CTNND1: variants seen among roughly 807,000 people sequenced by gnomAD.
CTNND1 encodes catenin delta-1.
In CTNND1, 16 loss-of-function variants were observed where a neutral mutation model predicts 112.1. The ratio of observed to expected loss-of-function variants is 0.14; its 90% CI spans 0.10 to 0.22. The LOEUF is 0.22. Ranked by LOEUF, CTNND1 falls within the 10% of genes least tolerant of loss-of-function variation. The pLI is 1.00. For synonymous variants in CTNND1, 420 were observed against 446.5 expected, an observed-to-expected ratio of 0.94 and a Z score of 0.75; for missense variants, 1,008 against 1,257.0, an observed-to-expected ratio of 0.80 and a Z score of 3.00.
Position 57,817,345 on chromosome 11 carries a change from C to T in CTNND1, c.*1037C>T, listed in dbSNP as rs1420240668. ...CATAACTCCTGTCCCTTTTCCCTTA[C>T]AAGGTGGGGATTGCCCCTGGCTTTG... On this transcript the variant is annotated 3_prime_UTR_variant, in exon 21 of 21. Coordinates refer to ENST00000399050, the MANE Select transcript of CTNND1 (RefSeq NM_001085458.2). 6.5e-6 allele frequency: 1 copy of T among 152,782 alleles called. No homozygotes were observed. The highest frequency in any genetic ancestry group is 6.5e-5 in the Admixed American group (1 of 15,284). 9.5% of individuals were successfully genotyped at this position (152,782 alleles called of 1,614,324 possible).
chr11:57,799,634 A>G (rs951135049), intron 6 of CTNND1, among the ~76,000 whole-genome samples: 2 of 152,234 alleles, frequency 1.3e-5, no homozygotes, highest in African/African-American at 4.8e-5. Flanking sequence ...TCCCAGGCAC[A>G]GCTTTGTTTC....
intron 1 of CTNND1, among the ~76,000 whole-genome samples, chr11:57,776,147 T>G (rs577678867): frequency 6.6e-6 from 1 of 152,344 alleles, no homozygotes; most frequent in East Asian, 1.9e-4. Flanking sequence ...CAGTTGGCAC[T>G]GTTACTGCTA....
Position 57,788,855 on chromosome 11 carries a change from C to G in CTNND1, c.-213-182C>G, listed in dbSNP as rs2060401722. Among the ~76,000 whole-genome samples the G allele has an allele frequency of 6.6e-6, 1 of 152,144 alleles. No individual in the cohort carries two copies. The highest frequency in any genetic ancestry group is 1.5e-5 in the Non-Finnish European group (1 of 68,038). Reference sequence around the variant, plus strand: ...TCCAGGTTTTAATGAAAATGACATCCAAGGCCTAGGTATCTGAACACAACA... The same window carrying G: ...TCCAGGTTTTAATGAAAATGACATCGAAGGCCTAGGTATCTGAACACAACA... On this transcript the variant is annotated intron_variant, in intron 1 of 20. Coordinates refer to ENST00000399050, the MANE Select transcript of CTNND1 (RefSeq NM_001085458.2). The surrounding 1 kb of genome is among the most constrained non-coding windows in gnomAD (Gnocchi z 4.1).
intron 1 of CTNND1, among the ~76,000 whole-genome samples, chr11:57,776,407 T>A (rs1376135382): frequency 1.3e-5 from 2 of 152,216 alleles, no homozygotes; most frequent in African/African-American, 4.8e-5. Context: ...CAGGCACTCT[T>A]AATGCTATGT....
chr11:57,773,813 G>C (rs1953440039), intron 1 of CTNND1, among the ~76,000 whole-genome samples: 2 of 151,752 alleles, frequency 1.3e-5, no homozygotes, highest in African/African-American at 2.4e-5. Flanking sequence ...GTGGTGGTGG[G>C]TACTTGTAGT....
chr11:57,807,019 A>G, intron 12 of CTNND1, 36 bp downstream of exon 12: 1 of 1,485,956 alleles, frequency 6.7e-7, no homozygotes, highest in East Asian at 2.4e-5. Flanking sequence ...GGTCTCATAA[A>G]CATAGTACAA....
chr11:57,815,610 G>A (rs776831080), intron 19 of CTNND1, 110 bp downstream of exon 19: 48 of 998,336 alleles, frequency 4.8e-5, no homozygotes, highest in South Asian at 4.7e-4. Context: ...TCCTTTTCTG[G>A]TAGGGGTTTT....
chr11:57,812,469 G>A (rs1270519312), intron 17 of CTNND1, among the ~76,000 whole-genome samples: 3 of 152,176 alleles, frequency 2.0e-5, no homozygotes, highest in South Asian at 2.1e-4. Flanking sequence ...GCAGTGAGCC[G>A]AGATTGCACC....
At chr11:57,777,195 T>G (rs377044138) in intron 1 of CTNND1, among the ~76,000 whole-genome samples, 58 of 152,328 alleles carry the variant, frequency 3.8e-4, no homozygotes, top group East Asian at 1.2e-3. Context: ...ATAGTGTTGC[T>G]AAATATTCTT....
Position 57,816,712 on chromosome 11 carries a change from G to A in CTNND1, c.*404G>A. 5.1e-6 allele frequency: 1 copy of A among 197,078 alleles called. No individual in the cohort carries two copies. The highest frequency in any genetic ancestry group is 1.0e-5 in the Non-Finnish European group (1 of 97,332). The allele number at this position is 197,078 out of a possible 1,614,324, so 12.2% of individuals were successfully genotyped here. A position where few individuals can be genotyped will look rare whatever the true frequency, so the allele number is the denominator to read the frequency against. On this transcript the variant is annotated 3_prime_UTR_variant, in exon 21 of 21. Coordinates refer to ENST00000399050, the MANE Select transcript of CTNND1 (RefSeq NM_001085458.2). ...TTACATGCTGTATATGCAATGTCCA[G>A]CAGTCTGATAAACTGACGATTCTTA...
chr11:57,785,843 G>A (rs537918959), intron 1 of CTNND1, among the ~76,000 whole-genome samples: 93 of 151,982 alleles, frequency 6.1e-4, no homozygotes, highest in African/African-American at 2.1e-3. Flanking sequence ...CACCACGCCC[G>A]GCCGGTAAGT....
rs1051341495 is a variant in CTNND1 at position 57,792,833 on chromosome 11, T to A, written c.195+1160T>A. Among the ~76,000 whole-genome samples the A allele has an allele frequency of 2.3e-3, 6 of 2,616 alleles. No individual in the cohort carries two copies. The Non-Finnish European group carries it at 0.1, about 44-fold the overall frequency. 1.7% of individuals were successfully genotyped at this position (2,616 alleles called of 152,430 possible). A position where few individuals can be genotyped will look rare whatever the true frequency, so the allele number is the denominator to read the frequency against. ...TGAGCTACTGCACCCGGCTGAGTGA[T>A]TTTTTTTTTTTTTTTTTTAAGATAG... On this transcript the variant is annotated intron_variant, in intron 3 of 20. Coordinates refer to ENST00000399050, the MANE Select transcript of CTNND1 (RefSeq NM_001085458.2).
intron 1 of CTNND1, among the ~76,000 whole-genome samples, chr11:57,766,659 G>T (rs1238464221): frequency 6.6e-6 from 1 of 152,196 alleles, no homozygotes; most frequent in Non-Finnish European, 1.5e-5. Context: ...CAGGGAGATT[G>T]TAAGAAGGCA....
chr11:57,799,744 T>C (rs1399534515), intron 6 of CTNND1, among the ~76,000 whole-genome samples: 11 of 152,192 alleles, frequency 7.2e-5, no homozygotes, highest in South Asian at 2.1e-4. Context: ...ATTGTTCTTA[T>C]AATTTTGTAT....
intron 6 of CTNND1, among the ~76,000 whole-genome samples, chr11:57,797,842 CAAAAAA>C (rs771815069): frequency 7.1e-4 from 49 of 68,940 alleles, no homozygotes; most frequent in Non-Finnish European, 1.1e-3. Flanking sequence ...AACTCCACCT[CAAAAAA>C]AAAAAAAAAA....
chr11:57,771,026 A>C (rs1035775371), intron 1 of CTNND1, among the ~76,000 whole-genome samples: 1 of 152,144 alleles, frequency 6.6e-6, no homozygotes, highest in Admixed American at 6.6e-5. Context: ...TTGGATGTCT[A>C]CCGTGCTGAA....
intron 1 of CTNND1, among the ~76,000 whole-genome samples, chr11:57,779,812 T>C (rs1032473431): frequency 2.6e-5 from 4 of 152,178 alleles, no homozygotes; most frequent in Non-Finnish European, 4.4e-5. Context: ...AGGTAATTTT[T>C]ACAGAGTAGT....
At chr11:57,789,270 T>G (rs2060443170) in intron 2 of CTNND1, 115 bp downstream of exon 2, 2 of 669,780 alleles carry the variant, frequency 3.0e-6, no homozygotes, top group Non-Finnish European at 4.7e-6. Context: ...CTTTTTTCTT[T>G]ATGGGTTGGT....
In CTNND1 at chr11:57,802,049, C is replaced by T. The variant is rs770867646; in HGVS notation, c.1273C>T (p.His425Tyr). 3 of 1,614,048 alleles carry T rather than the reference C, an allele frequency of 1.9e-6. No individual in the cohort carries two copies. The highest frequency in any genetic ancestry group is 1.1e-5 in the South Asian group (1 of 91,086). ...GLLDHPKKEV[H>Y]LGACGALKNI... ...GTTAGACCATCCCAAAAAGGAAGTG[C>T]ACCTTGGAGCCTGTGGAGCTCTCAA... The change falls in exon 7 of 21, where the codon CAC becomes TAC. Residue 425 changes from histidine to tyrosine, a missense_variant. His to Tyr is a moderately conservative substitution (Grantham distance 83). This residue lies in a region of CTNND1 where 216 missense variants were observed against 342.8 expected (regional missense o/e 0.63). Transcript: ENST00000399050.
Sources: allele counts gnomAD v4.1 joint callset (sites outside exome capture counted in the v4.1 genomes callset), GRCh38; gene constraint gnomAD v4.1.1; regional missense constraint gnomAD v4.1.1; non-coding constraint Gnocchi (gnomAD v3.1); transcripts MANE v1.5; gene names NCBI Gene and HGNC (gene_info 2026-07-23, HGNC 2026-07-21).